GABPB1: variants seen among roughly 807,000 people sequenced by gnomAD.
GABPB1 encodes GA-binding protein subunit beta-1.
In GABPB1, 15 loss-of-function variants were observed where a neutral mutation model predicts 45.9. That is an observed-to-expected ratio of 0.33 (90% CI 0.22 to 0.50). The LOEUF (loss-of-function observed/expected upper bound fraction) is 0.50, where lower values mean the gene tolerates loss of function less well. Ranked by LOEUF, GABPB1 falls within the 20% of genes least tolerant of loss-of-function variation. The probability of loss-of-function intolerance (pLI) is 0.98; values close to 1 mark genes in which losing one functional copy is unlikely to be tolerated. For missense variants in GABPB1, 252 were observed against 457.5 expected (o/e 0.55, Z 4.10); for synonymous variants, 143 against 154.4 (o/e 0.93, Z 0.55).
chr15:50,300,429 GTTTTTGGTTTTTT>G (rs1189421096), intron 6 of GABPB1, among the ~76,000 whole-genome samples: 27 of 72,174 alleles, frequency 3.7e-4, no homozygotes, highest in Non-Finnish European at 5.8e-4. Context: ...ATCTGCAACT[GTTTTTGGTTTTTT>G]TTTTTTTTTT....
At chr15:50,298,146 T>C (rs1268672726) in intron 6 of GABPB1, among the ~76,000 whole-genome samples, 5 of 152,132 alleles carry the variant, frequency 3.3e-5, no homozygotes, top group African/African-American at 9.7e-5. Context: ...CGCTGGAGTA[T>C]AGTGGCGCGA....
chr15:50,340,435 G>C (rs1008584284), intron 1 of GABPB1, among the ~76,000 whole-genome samples: 2 of 150,420 alleles, frequency 1.3e-5, no homozygotes, highest in Non-Finnish European at 2.9e-5. Context: ...ATCCTCAATG[G>C]AAGTATTTAC....
intron 1 of GABPB1, among the ~76,000 whole-genome samples, chr15:50,337,104 T>TGA (rs2048169910): frequency 6.3e-4 from 4 of 6,374 alleles, no homozygotes; most frequent in African/African-American, 4.2e-3. Flanking sequence ...TATATATATA[T>TGA]ATATATATAT....
At chr15:50,313,063 A>C (rs1229496532) in intron 1 of GABPB1, among the ~76,000 whole-genome samples, 2 of 152,202 alleles carry the variant, frequency 1.3e-5, no homozygotes, top group Non-Finnish European at 2.9e-5. Context: ...TACATATTAA[A>C]ATAATCAAAA....
intron 1 of GABPB1, among the ~76,000 whole-genome samples, chr15:50,337,637 G>A (rs889169009): frequency 2.6e-5 from 4 of 151,974 alleles, no homozygotes; most frequent in South Asian, 2.1e-4. Context: ...GTGGTGGTGC[G>A]ATCATGTGGT....
At chr15:50,282,262 G>A (rs1353830588) in intron 8 of GABPB1, 3 of 454,036 alleles carry the variant, frequency 6.6e-6, no homozygotes, top group Non-Finnish European at 8.8e-6. Context: ...TAAAAAAAGA[G>A]AGAGAAGAGA....
intron 1 of GABPB1, chr15:50,349,180 AC>A (rs1309524182): frequency 6.6e-6 from 1 of 152,142 alleles, no homozygotes; most frequent in East Asian, 1.9e-4. Flanking sequence ...GAACATTCAT[AC>A]ATTTTGTTGC....
At chr15:50,309,635 C>T (rs1206516883) in intron 2 of GABPB1, 56 bp downstream of exon 2, 1 of 1,116,050 alleles carries the variant, frequency 9.0e-7, no homozygotes, top group Non-Finnish European at 1.4e-6. Flanking sequence ...TTTTTCTCTG[C>T]AAAAACTCAA....
intron 1 of GABPB1, chr15:50,350,502 C>T (rs899255494): frequency 6.6e-6 from 1 of 151,264 alleles, no homozygotes; most frequent in Non-Finnish European, 1.5e-5. Context: ...GTTTAAAGCC[C>T]TTCATTAAAT....
Position 50,355,040 on chromosome 15 carries a change from C to T in GABPB1, c.-56G>A, listed in dbSNP as rs2049046887. On this transcript the variant is annotated 5_prime_UTR_variant, in exon 1 of 9. Coordinates refer to ENST00000380877, the MANE Select transcript of GABPB1 (RefSeq NM_016654.5). ...GGCAGCAGGAGGTGGTGCGGGGACC[C>T]GAGGCGCCTCGTACCCGGCCGGGCT... 6.5e-6 allele frequency: 1 copy of T among 154,864 alleles called. No homozygotes were observed. 9.6% of individuals were successfully genotyped at this position (154,864 alleles called of 1,614,324 possible). A position where few individuals can be genotyped will look rare whatever the true frequency, so the allele number is the denominator to read the frequency against.
intron 1 of GABPB1, among the ~76,000 whole-genome samples, chr15:50,346,952 G>C (rs1232235475): frequency 6.6e-6 from 1 of 151,930 alleles, no homozygotes; most frequent in Non-Finnish European, 1.5e-5. Context: ...ACTGTGCCCG[G>C]CTAATTTTTG....
intron 1 of GABPB1, among the ~76,000 whole-genome samples, chr15:50,330,571 T>C: frequency 6.8e-6 from 1 of 146,064 alleles, no homozygotes; most frequent in South Asian, 2.1e-4. Context: ...CCAATTCTCC[T>C]TCCTCATCCC....
At chr15:50,287,534 C>T (rs1031473197) in intron 7 of GABPB1, among the ~76,000 whole-genome samples, 3 of 152,154 alleles carry the variant, frequency 2.0e-5, no homozygotes, top group Non-Finnish European at 4.4e-5. Flanking sequence ...ACAGATAACA[C>T]AAATACTGAG....
intron 1 of GABPB1, 135 bp downstream of exon 1, chr15:50,354,850 C>T: frequency 4.3e-6 from 1 of 230,478 alleles, no homozygotes. Flanking sequence ...CCCCGGAAAC[C>T]CGGCGCCTTA....
chr15:50,328,896 T>C (rs2047861420), intron 1 of GABPB1, among the ~76,000 whole-genome samples: 1 of 152,226 alleles, frequency 6.6e-6, no homozygotes, highest in African/African-American at 2.4e-5. Context: ...AAATATATTA[T>C]CGTTTTTCAT....
At chr15:50,340,100 G>A (rs2048296211) in intron 1 of GABPB1, among the ~76,000 whole-genome samples, 1 of 152,106 alleles carries the variant, frequency 6.6e-6, no homozygotes, top group East Asian at 1.9e-4. Flanking sequence ...ATAATTTCAT[G>A]GATGGAATTA....
intron 2 of GABPB1, among the ~76,000 whole-genome samples, chr15:50,308,941 T>C (rs188224997): frequency 2.1e-4 from 32 of 152,268 alleles, no homozygotes; most frequent in Admixed American, 2.0e-3. Context: ...TTCATCATGA[T>C]TTGATAATTT....
chr15:50,331,249 G>A (rs867284903), intron 1 of GABPB1, among the ~76,000 whole-genome samples: 3 of 152,324 alleles, frequency 2.0e-5, no homozygotes, highest in Middle Eastern at 3.4e-3. Context: ...CACAAGAGAA[G>A]CATCTGTGCT....
intron 2 of GABPB1, among the ~76,000 whole-genome samples, chr15:50,306,684 C>T (rs1317397109): frequency 6.6e-6 from 1 of 151,916 alleles, no homozygotes; most frequent in African/African-American, 2.4e-5. Context: ...AGCCCCTCCC[C>T]CAGCCCCAGA....
Sources: gnomAD v4.1 joint callset for allele counts (sites outside exome capture counted in the v4.1 genomes callset) on GRCh38, gnomAD v4.1.1 for gene constraint, MANE v1.5 for transcripts, NCBI Gene and HGNC (gene_info 2026-07-23, HGNC 2026-07-21) for gene names.